UBE2D4: variants seen among roughly 807,000 people sequenced by gnomAD.
UBE2D4 encodes the protein ubiquitin conjugating enzyme E2 D4, also known as ubiquitin-conjugating enzyme E2 D4.
Under a neutral mutation model 23.0 loss-of-function variants are expected in UBE2D4, and 17 were observed. The ratio of observed to expected loss-of-function variants is 0.74; its 90% confidence interval spans 0.51 to 1.11. UBE2D4 has a LOEUF of 1.11. Among genes scored for constraint, UBE2D4 ranks in the 50% least tolerant of loss-of-function variants. The pLI is 0.00. For missense variants in UBE2D4, 139 were observed against 181.8 expected (o/e 0.76, Z 1.35); for synonymous variants, 61 against 69.4 (o/e 0.88, Z 0.60).
intron 3 of UBE2D4, 23 bp downstream of exon 3, chr7:43,942,880 A>G: frequency 1.2e-6 from 2 of 1,614,040 alleles, no homozygotes; most frequent in African/African-American, 1.3e-5. Context: ...TGCTGAGCGC[A>G]CCACTCCAGT....
chr7:43,933,097 A>G (rs932944669), intron 1 of UBE2D4, among the ~76,000 whole-genome samples: 4 of 148,466 alleles, frequency 2.7e-5, no homozygotes, highest in Non-Finnish European at 4.5e-5. Context: ...GTATGTGTGT[A>G]TATATATAAC....
chr7:43,926,770 C>T (rs1257681166), intron 1 of UBE2D4, among the ~76,000 whole-genome samples: 1 of 151,654 alleles, frequency 6.6e-6, no homozygotes, highest in Non-Finnish European at 1.5e-5. Flanking sequence ...GGGCCGTGGC[C>T]ACGAGGGCTG....
intron 6 of UBE2D4, 89 bp from the exon 7 acceptor site, chr7:43,952,561 T>C: frequency 8.6e-7 from 1 of 1,157,450 alleles, no homozygotes; most frequent in South Asian, 1.2e-5. Flanking sequence ...GCAGCAGCAT[T>C]CCCCACATCA....
In UBE2D4 at chr7:43,938,571, C is replaced by A. The variant is rs532077774; in HGVS notation, c.88+77C>A. 2.8e-6 allele frequency: 4 copies of A among 1,437,760 alleles called. No homozygotes were observed. In the Admixed American group the frequency reaches 5.1e-5, roughly 18 times the overall value. 89.1% of individuals were successfully genotyped at this position (1,437,760 alleles called of 1,614,324 possible). A position where few individuals can be genotyped will look rare whatever the true frequency, so the allele number is the denominator to read the frequency against. On this transcript the variant is annotated intron_variant, in intron 2 of 6. Transcript: ENST00000222402. ...CCAACTTAGGCCAGGTGCGGTGGCT[C>A]ACGCCTGTAATCCCAACACTTTGGG...
At chr7:43,949,458 C>T (rs2095996460) in intron 5 of UBE2D4, among the ~76,000 whole-genome samples, 2 of 152,208 alleles carry the variant, frequency 1.3e-5, no homozygotes, top group South Asian at 2.1e-4. Context: ...AACTCCTGGC[C>T]TCAAGCAGTC....
At chr7:43,928,857 C>T (rs1267772007) in intron 1 of UBE2D4, among the ~76,000 whole-genome samples, 3 of 152,040 alleles carry the variant, frequency 2.0e-5, no homozygotes, top group Admixed American at 2.0e-4. Flanking sequence ...AAGGTTTGAG[C>T]CTACATATTC....
rs2096012478 is a variant in UBE2D4, at chr7:43,956,087, T to C, written c.*3392T>C. 6.6e-6 allele frequency: 1 copy of C among 152,136 alleles called. No homozygotes were observed. The highest frequency in any genetic ancestry group is 2.4e-5 in the African/African-American group (1 of 41,426). 9.4% of individuals were successfully genotyped at this position (152,136 alleles called of 1,614,324 possible). A position where few individuals can be genotyped will look rare whatever the true frequency, so the allele number is the denominator to read the frequency against. On this transcript the variant is annotated 3_prime_UTR_variant, in exon 7 of 7. Coordinates refer to ENST00000222402, the MANE Select transcript of UBE2D4 (RefSeq NM_015983.4). ...TCTTTGCCTGATGACAGAGAAACTTTCTAAAAAAAAACAAAAACAAAAGCT... is the reference window on the plus strand; with the variant it reads ...TCTTTGCCTGATGACAGAGAAACTTCCTAAAAAAAAACAAAAACAAAAGCT...
At chr7:43,949,713 C>T (rs949387270) in intron 5 of UBE2D4, among the ~76,000 whole-genome samples, 2 of 152,192 alleles carry the variant, frequency 1.3e-5, no homozygotes, top group African/African-American at 4.8e-5. Flanking sequence ...ACCACAATTC[C>T]TTCTGCTCCT....
intron 5 of UBE2D4, 65 bp downstream of exon 5, chr7:43,948,802 A>G: frequency 7.8e-7 from 1 of 1,278,068 alleles, no homozygotes; most frequent in Non-Finnish European, 1.1e-6. Flanking sequence ...GCACTGACTG[A>G]GTGGAAATGG....
At chr7:43,928,003 C>G (rs182681775) in intron 1 of UBE2D4, 1 of 449,894 alleles carries the variant, frequency 2.2e-6, no homozygotes, top group African/African-American at 2.0e-5. Flanking sequence ...ATTTGGCTCT[C>G]GGTTCTGCAG....
Position 43,942,811 on chromosome 7 carries a change from T to C in UBE2D4, c.89-15T>C. The C allele has an allele frequency of 6.2e-7, 1 of 1,614,196 alleles. No homozygotes were observed. Among genetic ancestry groups the C allele is most frequent in the Non-Finnish European group, 8.5e-7 (1 of 1,180,026 alleles). On this transcript the variant is annotated splice_polypyrimidine_tract_variant and intron_variant, in intron 2 of 6. Coordinates refer to ENST00000222402, the MANE Select transcript of UBE2D4 (RefSeq NM_015983.4). ...GGGGGGTCTCTTACATGCCCGTCTCTCTTTTGTTTTGTAGTGTTCCACTGG... is the reference window on the plus strand; with the variant it reads ...GGGGGGTCTCTTACATGCCCGTCTCCCTTTTGTTTTGTAGTGTTCCACTGG...
intron 6 of UBE2D4, among the ~76,000 whole-genome samples, 153 bp downstream of exon 6, chr7:43,950,845 C>T (rs2096000818): frequency 6.6e-6 from 1 of 152,208 alleles, no homozygotes; most frequent in Non-Finnish European, 1.5e-5. Flanking sequence ...GTGCCCTGGG[C>T]TTGGACTCCT....
intron 1 of UBE2D4, among the ~76,000 whole-genome samples, chr7:43,929,752 A>T (rs767441080): frequency 4.6e-5 from 7 of 152,236 alleles, no homozygotes; most frequent in African/African-American, 1.7e-4. Context: ...CTTAATAATT[A>T]TCGAACTTGA....
chr7:43,928,777 G>A (rs1229906422), intron 1 of UBE2D4, among the ~76,000 whole-genome samples: 2 of 152,214 alleles, frequency 1.3e-5, no homozygotes, highest in Non-Finnish European at 2.9e-5. Flanking sequence ...GTGGATGGTG[G>A]TGTCAGTGTC....
At chr7:43,933,065 A>C (rs1463531944) in intron 1 of UBE2D4, among the ~76,000 whole-genome samples, 2 of 147,208 alleles carry the variant, frequency 1.4e-5, no homozygotes, top group Non-Finnish European at 3.0e-5. Context: ...TAACATATAT[A>C]CACACATATA....
intron 2 of UBE2D4, among the ~76,000 whole-genome samples, chr7:43,940,465 A>G (rs1235639052): frequency 6.6e-6 from 1 of 152,182 alleles, no homozygotes; most frequent in Non-Finnish European, 1.5e-5. Flanking sequence ...CAGCTCCTTG[A>G]TGCTCAGCTC....
intron 1 of UBE2D4, chr7:43,928,050 G>A (rs1340174707): frequency 4.4e-6 from 2 of 454,318 alleles, no homozygotes; most frequent in Admixed American, 4.7e-5. Context: ...TCTGCTTCTG[G>A]TGAGGCCTCA....
intron 4 of UBE2D4, among the ~76,000 whole-genome samples, chr7:43,945,633 A>G (rs764977727): frequency 2.0e-5 from 3 of 150,284 alleles, no homozygotes; most frequent in Non-Finnish European, 3.0e-5. Context: ...CTCATATTCG[A>G]AAGTAAGTTT....
At chr7:43,932,940 A>G (rs1297731505) in intron 1 of UBE2D4, among the ~76,000 whole-genome samples, 1 of 144,736 alleles carries the variant, frequency 6.9e-6, no homozygotes, top group Non-Finnish European at 1.5e-5. Context: ...TCTTGCTGGA[A>G]TGTGTGCCAT....
Sources: gnomAD v4.1 joint callset for allele counts (sites outside exome capture counted in the v4.1 genomes callset) on GRCh38, gnomAD v4.1.1 for gene constraint, MANE v1.5 for transcripts, NCBI Gene and HGNC (gene_info 2026-07-23, HGNC 2026-07-21) for gene names.